AP4S1: variants seen among roughly 807,000 people sequenced by gnomAD.
AP4S1 encodes the protein AP-4 complex subunit sigma-1.
A neutral mutation model predicts 19.8 loss-of-function variants in AP4S1; 23 were observed. The observed-to-expected ratio is 1.16, with a 90% CI of 0.84 to 1.65. AP4S1 has a LOEUF of 1.65. Ranked by LOEUF, AP4S1 falls within the 40% of genes most tolerant of loss-of-function variation. The pLI, the probability that AP4S1 is intolerant of heterozygous loss-of-function variation, is 0.00. For missense variants in AP4S1, 166 were observed against 172.8 expected (o/e 0.96, Z 0.22); for synonymous variants, 46 against 54.1 (o/e 0.85, Z 0.66).
chr14:31,055,234 G>A (rs1469209527), intron 1 of AP4S1, among the ~76,000 whole-genome samples: 1 of 151,856 alleles, frequency 6.6e-6, no homozygotes, highest in African/African-American at 2.4e-5. Flanking sequence ...TTTTCTGGTA[G>A]GAGATCTCAA....
At chr14:31,073,462 C>A (rs576587780) in intron 4 of AP4S1, among the ~76,000 whole-genome samples, 2 of 147,054 alleles carry the variant, frequency 1.4e-5, no homozygotes, top group Non-Finnish European at 3.0e-5. Context: ...TGCACTCCAG[C>A]CTGGGCAACA....
Position 31,080,598 on chromosome 14 carries a change from A to G in AP4S1, c.306+14A>G. 4 of 1,613,806 alleles carry G rather than the reference A, an allele frequency of 2.5e-6. No individual in the cohort carries two copies. The highest frequency in any genetic ancestry group is 1.1e-5 in the South Asian group (1 of 91,074). On this transcript the variant is annotated intron_variant, in intron 5 of 5. Transcript: ENST00000542754. ...AGTGAATTAGATGTATCCTTTTTCA[A>G]TACTGTTTTCCACAGTACTTGGCAA...
At chr14:31,091,185 G>A (rs1034509885) in intron 5 of AP4S1, among the ~76,000 whole-genome samples, 2 of 152,144 alleles carry the variant, frequency 1.3e-5, no homozygotes, top group African/African-American at 2.4e-5. Context: ...CTTGATCCCC[G>A]AACTAATTCA....
In AP4S1 at chr14:31,070,421, AT is replaced by A. The variant is rs1175380680; in HGVS notation, c.225+496del. On this transcript the variant is annotated intron_variant, in intron 3 of 5. Transcript: ENST00000542754. ...AAGCCCAACTTATTTTTTTGCTTTTATTTTCTTTTAGAGATGGGATCTCACT... is the reference window on the plus strand; with the variant it reads ...AAGCCCAACTTATTTTTTTGCTTTTATTTCTTTTAGAGATGGGATCTCACT... Among the ~76,000 whole-genome samples, 7 of 151,510 alleles carry A rather than the reference AT, an allele frequency of 4.6e-5. No homozygotes were observed. The East Asian group carries it at 1.4e-3, about 30-fold the overall frequency.
intron 5 of AP4S1, chr14:31,084,690 AG>A: frequency 6.3e-7 from 1 of 1,599,076 alleles, no homozygotes; most frequent in African/African-American, 1.3e-5. Flanking sequence ...CTGTTTCTAC[AG>A]GGAGACTTTG....
At chr14:31,070,647 C>T (rs970561273) in intron 3 of AP4S1, among the ~76,000 whole-genome samples, 14 of 152,260 alleles carry the variant, frequency 9.2e-5, no homozygotes, top group Admixed American at 7.2e-4. Context: ...TAGAGAAGCC[C>T]CAAACCACAG....
At chr14:31,056,059 G>A (rs1049354262) in intron 1 of AP4S1, among the ~76,000 whole-genome samples, 1 of 152,004 alleles carries the variant, frequency 6.6e-6, no homozygotes, top group Admixed American at 6.6e-5. Flanking sequence ...TGGCCAGGCT[G>A]GTTTTGAACT....
intron 1 of AP4S1, among the ~76,000 whole-genome samples, chr14:31,046,811 A>G (rs2082112925): frequency 6.7e-6 from 1 of 148,538 alleles, no homozygotes; most frequent in Admixed American, 6.9e-5. Flanking sequence ...GTACCACTGC[A>G]CTCCAGCCTG....
chr14:31,039,004 T>A lies in AP4S1; in HGVS notation c.-72+13217T>A, dbSNP rs1041744837. Reference sequence around the variant, plus strand: ...TTTAAATGTAGAGGTTTTTTTTTTTTTTATTGTTTGCTTGTTTGGTTTTTT... The same window carrying A: ...TTTAAATGTAGAGGTTTTTTTTTTTATTATTGTTTGCTTGTTTGGTTTTTT... On this transcript the variant is annotated intron_variant, in intron 1 of 5. Transcript: ENST00000542754. Among the ~76,000 whole-genome samples, 46 of 151,960 alleles carry A rather than the reference T, an allele frequency of 3.0e-4. 1 individual carries two copies. The highest frequency in any genetic ancestry group is 2.7e-3 in the Admixed American group (41 of 15,246).
At chr14:31,092,224 C>G (rs1377320128) in intron 5 of AP4S1, among the ~76,000 whole-genome samples, 1 of 152,160 alleles carries the variant, frequency 6.6e-6, no homozygotes. Flanking sequence ...ATTTTCTCCT[C>G]ATAGTTATTT....
rs1164617388 is a variant in AP4S1, at chr14:31,058,731, CT to C, written c.-71-7382del. Among the ~76,000 whole-genome samples the C allele has an allele frequency of 5.3e-3, 746 of 141,128 alleles. 4 individuals carry two copies. Among genetic ancestry groups the C allele is most frequent in the Middle Eastern group, 0.011 (3 of 274 alleles). The allele number at this position is 141,128 out of a possible 152,430, so 92.6% of individuals were successfully genotyped here. On this transcript the variant is annotated intron_variant, in intron 1 of 5. Transcript: ENST00000542754. ...TATAGGTACACACCGCGATGCCTGG[CT>C]TTTTTTTTTTTTCCTTTTTTTTTAG...
chr14:31,080,837 A>G (rs188982177), intron 5 of AP4S1, among the ~76,000 whole-genome samples: 25 of 152,230 alleles, frequency 1.6e-4, no homozygotes, highest in Non-Finnish European at 3.4e-4. Flanking sequence ...GCTGGAGTGC[A>G]ATGGTGTAAT....
intron 5 of AP4S1, among the ~76,000 whole-genome samples, chr14:31,089,887 C>G (rs528269613): frequency 6.6e-6 from 1 of 152,324 alleles, no homozygotes; most frequent in South Asian, 2.1e-4. Context: ...CCACTCCACT[C>G]TAGCCTGAGC....
At chr14:31,080,707 T>C in intron 5 of AP4S1, 123 bp downstream of exon 5, 3 of 1,382,382 alleles carry the variant, frequency 2.2e-6, no homozygotes, top group Non-Finnish European at 2.1e-6. Context: ...CCAACAACTA[T>C]GACAAGACAG....
In AP4S1 at chr14:31,095,995, G is replaced by A. The variant is rs1888192128; in HGVS notation, c.*2960G>A. ...AACTACTTGGGAGGCTGTGGTAGGA[G>A]GATCACTTGAACCCAGGAGACAGAG... On this transcript the variant is annotated 3_prime_UTR_variant, in exon 6 of 6. Transcript: ENST00000542754. The A allele has an allele frequency of 6.6e-6, 1 of 150,860 alleles. No homozygotes were observed. Among genetic ancestry groups the A allele is most frequent in the South Asian group, 2.1e-4 (1 of 4,774 alleles). The allele number at this position is 150,860 out of a possible 1,614,324, so 9.3% of individuals were successfully genotyped here. A position where few individuals can be genotyped will look rare whatever the true frequency, so the allele number is the denominator to read the frequency against.
At chr14:31,039,842 G>A (rs1885010093) in intron 1 of AP4S1, among the ~76,000 whole-genome samples, 1 of 152,034 alleles carries the variant, frequency 6.6e-6, no homozygotes, top group African/African-American at 2.4e-5. Flanking sequence ...GCCCGTCTCG[G>A]CCTCCCAAAG....
At chr14:31,061,882 C>T (rs930337174) in intron 1 of AP4S1, among the ~76,000 whole-genome samples, 6 of 151,866 alleles carry the variant, frequency 4.0e-5, no homozygotes, top group Admixed American at 2.6e-4. Flanking sequence ...CCTCATGATC[C>T]GCCCGCCTCG....
chr14:31,041,673 A>C (rs72670323), intron 1 of AP4S1, among the ~76,000 whole-genome samples: 17,117 of 152,240 alleles, frequency 0.11, 1,106 homozygotes, highest in South Asian at 0.25. Context: ...TATTCTTATG[A>C]ATCCAAAAAT....
intron 3 of AP4S1, among the ~76,000 whole-genome samples, chr14:31,071,874 C>A (rs1594689814): frequency 6.6e-6 from 1 of 151,562 alleles, no homozygotes; most frequent in Non-Finnish European, 1.5e-5. Flanking sequence ...CACCAAGATA[C>A]CTGGATATTT....
Sources: gnomAD v4.1 joint callset for allele counts (sites outside exome capture counted in the v4.1 genomes callset) on GRCh38, gnomAD v4.1.1 for gene constraint, MANE v1.5 for transcripts, NCBI Gene and HGNC (gene_info 2026-07-23, HGNC 2026-07-21) for gene names.